Variants in TAFA1 observed in about 807,000 individuals in gnomAD.
TAFA1 encodes the protein chemokine-like protein TAFA-1.
Under a neutral mutation model 18.5 loss-of-function variants are expected in TAFA1, and 4 were observed. That is an observed-to-expected ratio of 0.22 (90% CI 0.11 to 0.49). The LOEUF (loss-of-function observed/expected upper bound fraction) is 0.49. Ranked by LOEUF, TAFA1 falls within the 20% of genes least tolerant of loss-of-function variation. The pLI is 0.98. For synonymous variants in TAFA1, 56 were observed against 55.2 expected (o/e 1.01, Z -0.06); for missense variants, 147 against 169.0 (o/e 0.87, Z 0.72).
chr3:68,267,199 CTG>C (rs1034229341), intron 2 of TAFA1, among the ~76,000 whole-genome samples: 1 of 152,198 alleles, frequency 6.6e-6, no homozygotes, highest in Admixed American at 6.5e-5. Flanking sequence ...TCATTCCACA[CTG>C]TGGACATACA....
chr3:68,252,699 T>G (rs1325616045), intron 2 of TAFA1, among the ~76,000 whole-genome samples: 1 of 152,192 alleles, frequency 6.6e-6, no homozygotes, highest in Non-Finnish European at 1.5e-5. Context: ...CTCTACCACT[T>G]ACTAAACTTA....
At chr3:68,227,780 T>C (rs1299480652) in intron 2 of TAFA1, among the ~76,000 whole-genome samples, 1 of 152,196 alleles carries the variant, frequency 6.6e-6, no homozygotes, top group African/African-American at 2.4e-5. Flanking sequence ...AAACAGGGTG[T>C]GAATTTATCA....
intron 2 of TAFA1, among the ~76,000 whole-genome samples, chr3:68,040,065 C>T (rs1216959445): frequency 3.3e-5 from 5 of 152,116 alleles, no homozygotes; most frequent in African/African-American, 1.2e-4. Flanking sequence ...TGGAACGACA[C>T]CTTCTGATAG....
At chr3:68,352,766 T>C (rs923329299) in intron 2 of TAFA1, among the ~76,000 whole-genome samples, 3 of 152,056 alleles carry the variant, frequency 2.0e-5, no homozygotes, top group African/African-American at 7.2e-5. Context: ...TGGAAGGCTG[T>C]TGTCCCATTG....
rs543364781 is a variant in TAFA1, at chr3:68,010,418, T to A, written c.118+3674T>A. Among the ~76,000 whole-genome samples the A allele has an allele frequency of 3.9e-5, 6 of 152,316 alleles. No individual in the cohort carries two copies. The East Asian group carries it at 1.2e-3, about 29-fold the overall frequency. ...GGATGGCACCAGCCAGCCAGGGTCC[T>A]TTAGGGGAAATGGTTAGAGACTTGG... On this transcript the variant is annotated intron_variant, in intron 2 of 4. Coordinates refer to ENST00000478136, the MANE Select transcript of TAFA1 (RefSeq NM_213609.4).
At chr3:68,437,908 C>CT (rs560101613) in intron 3 of TAFA1, among the ~76,000 whole-genome samples, 47 of 152,214 alleles carry the variant, frequency 3.1e-4, no homozygotes, top group African/African-American at 1.1e-3. Flanking sequence ...AGTCCGTCTA[C>CT]TTTTTTGTGA....
At chr3:68,070,413 G>T (rs1283611224) in intron 2 of TAFA1, among the ~76,000 whole-genome samples, 2 of 152,202 alleles carry the variant, frequency 1.3e-5, no homozygotes, top group African/African-American at 4.8e-5. Flanking sequence ...ACAGCAGGGG[G>T]CCCCTTGGCC....
Position 68,306,701 on chromosome 3 carries a change from T to A in TAFA1, c.119-110579T>A, listed in dbSNP as rs531583061. Among the ~76,000 whole-genome samples, 136 of 152,214 alleles carry A rather than the reference T, an allele frequency of 8.9e-4. No homozygotes were observed. The Middle Eastern group carries it at 0.01, about 11-fold the overall frequency. ...AATCTGTCCCAACTACAGTCATTTG[T>A]CTCTGGGTCTTTGGACTGAGATGTG... On this transcript the variant is annotated intron_variant, in intron 2 of 4. Transcript: ENST00000478136.
At chr3:68,078,210 G>C (rs2064851498) in intron 2 of TAFA1, among the ~76,000 whole-genome samples, 2 of 152,114 alleles carry the variant, frequency 1.3e-5, no homozygotes, top group Admixed American at 1.3e-4. Context: ...GAGATTTTGG[G>C]CTGAGACAAT....
intron 2 of TAFA1, among the ~76,000 whole-genome samples, chr3:68,020,013 A>T (rs1704654815): frequency 6.6e-6 from 1 of 152,198 alleles, no homozygotes; most frequent in Admixed American, 6.5e-5. Flanking sequence ...AAACAACCAG[A>T]ATAACTCCTC....
intron 2 of TAFA1, among the ~76,000 whole-genome samples, chr3:68,270,886 G>A (rs955435970): frequency 2.0e-5 from 3 of 152,116 alleles, no homozygotes; most frequent in Non-Finnish European, 2.9e-5. Flanking sequence ...TTTTAAGAAA[G>A]CTGACAGAGT....
At chr3:68,287,318 C>T (rs904249135) in intron 2 of TAFA1, among the ~76,000 whole-genome samples, 1 of 152,190 alleles carries the variant, frequency 6.6e-6, no homozygotes, top group African/African-American at 2.4e-5. Flanking sequence ...CTTCGTTCAT[C>T]TCCTGCTGAC....
chr3:68,001,215 G>A (rs760303257), upstream of TAFA1, among the ~76,000 whole-genome samples: 21 of 152,244 alleles, frequency 1.4e-4, no homozygotes, highest in East Asian at 1.4e-3. Flanking sequence ...AATGAGAAGC[G>A]TAAGAACAAA....
At chr3:68,191,080 A>C (rs1455731458) in intron 2 of TAFA1, among the ~76,000 whole-genome samples, 4 of 151,830 alleles carry the variant, frequency 2.6e-5, no homozygotes, top group Non-Finnish European at 5.9e-5. Context: ...AATAAACCCT[A>C]CATGAAATCC....
At chr3:68,435,281 T>C (rs2071250415) in intron 3 of TAFA1, among the ~76,000 whole-genome samples, 1 of 152,006 alleles carries the variant, frequency 6.6e-6, no homozygotes, top group Admixed American at 6.6e-5. Flanking sequence ...TGCAAGAAGT[T>C]CAATGTGCCT....
intron 3 of TAFA1, among the ~76,000 whole-genome samples, chr3:68,458,950 A>G (rs774064934): frequency 6.6e-6 from 1 of 152,182 alleles, no homozygotes; most frequent in Non-Finnish European, 1.5e-5. Context: ...CAGGATCAAC[A>G]TCTGTGGGAG....
At chr3:68,094,368 A>G in intron 2 of TAFA1, among the ~76,000 whole-genome samples, 1 of 152,100 alleles carries the variant, frequency 6.6e-6, no homozygotes, top group East Asian at 1.9e-4. Flanking sequence ...TTAGAAGATG[A>G]GGTCCACAGG....
chr3:68,532,469 C>T (rs2073205087), intron 3 of TAFA1, among the ~76,000 whole-genome samples: 1 of 151,964 alleles, frequency 6.6e-6, no homozygotes. Flanking sequence ...CAGAGAAAGC[C>T]CATTTGCATC....
chr3:68,358,411 A>G (rs2069404393), intron 2 of TAFA1, among the ~76,000 whole-genome samples: 1 of 151,972 alleles, frequency 6.6e-6, no homozygotes, highest in Non-Finnish European at 1.5e-5. Context: ...AATCTGAGGC[A>G]TTATTCCAGT....
Sources: gnomAD v4.1 joint callset for allele counts (sites outside exome capture counted in the v4.1 genomes callset) on GRCh38, gnomAD v4.1.1 for gene constraint, MANE v1.5 for transcripts, NCBI Gene and HGNC (gene_info 2026-07-23, HGNC 2026-07-21) for gene names.